Variants in ZSCAN10 observed in about 807,000 individuals in gnomAD.
ZSCAN10 encodes the protein zinc finger and SCAN domain-containing protein 10.
A neutral mutation model predicts 63.7 loss-of-function variants in ZSCAN10; 52 were observed. The ratio of observed to expected loss-of-function variants is 0.82; its 90% CI spans 0.65 to 1.03. The LOEUF (loss-of-function observed/expected upper bound fraction) is 1.03, where lower values mean the gene tolerates loss of function less well. ZSCAN10 is among the 50% of genes least tolerant of loss of function. ZSCAN10 has a pLI of 0.00. For missense variants in ZSCAN10, 1,223 were observed against 1,103.8 expected, an observed-to-expected ratio of 1.11 and a Z score of -1.53; for synonymous variants, 544 against 479.6, an observed-to-expected ratio of 1.13 and a Z score of -1.76.
chr16:3,091,464 G>T, intron 5 of ZSCAN10, 76 bp downstream of exon 5: 1 of 1,520,682 alleles, frequency 6.6e-7, no homozygotes, highest in Non-Finnish European at 9.1e-7. Context: ...GCAACATAGC[G>T]AGATTCCATC....
chr16:3,092,462 A>G (rs3810807), intron 2 of ZSCAN10, 80 bp downstream of exon 2: 710,794 of 1,457,886 alleles, frequency 0.49, 176,810 homozygotes, highest in African/African-American at 0.75. Context: ...GGGGAAAGTG[A>G]AGTTTCCAGA....
Position 3,088,955 on chromosome 16 carries a change from CG to C in ZSCAN10, c.*135del. On this transcript the variant is annotated 3_prime_UTR_variant, in exon 6 of 6. Coordinates refer to ENST00000576985, the MANE Select transcript of ZSCAN10 (RefSeq NM_032805.3). The stretch of plus-strand genomic sequence containing the variant: ...TAGCTGAGGCCAGAAAGCAATGCCT[CG>C]GCCAGGGAAGGACAGCTGTGAAAGT... The C allele has an allele frequency of 1.5e-6, 2 of 1,362,600 alleles. No individual in the cohort carries two copies. Among genetic ancestry groups the C allele is most frequent in the Non-Finnish European group, 1.9e-6 (2 of 1,062,214 alleles). The allele number at this position is 1,362,600 out of a possible 1,614,324, so 84.4% of individuals were successfully genotyped here.
In ZSCAN10 at chr16:3,091,251, G is replaced by A. The variant is rs373926948; in HGVS notation, c.787+289C>T. Among the ~76,000 whole-genome samples the A allele has an allele frequency of 4.6e-5, 7 of 152,328 alleles. No individual in the cohort carries two copies. The South Asian group carries it at 1.5e-3, about 32-fold the overall frequency. On this transcript the variant is annotated intron_variant, in intron 5 of 5. Coordinates refer to ENST00000576985, the MANE Select transcript of ZSCAN10 (RefSeq NM_032805.3). ...TACCTGAGCCCAGGAGGTCCCGGCT[G>A]CAGTGAGCCATGATTGTGCCACAGT... is the stretch of plus-strand genomic sequence containing the variant.
rs761968967 is a variant in ZSCAN10 at position 3,089,159 on chromosome 16, G to A, written c.2275C>T (p.Arg759Cys). The A allele has an allele frequency of 4.6e-6, 7 of 1,537,572 alleles. No individual in the cohort carries two copies. The highest frequency in any genetic ancestry group is 6.1e-6 in the Non-Finnish European group (7 of 1,153,410). ...AGGTGGGAGTTGCGGCTGAAGCTGC[G>A]GCCACACTGCGTGCAGGAGTAGGGC... ...ARPYSCTQCG[R>C]SFSRNSHLLR... is the part of the protein sequence containing the mutation. Residue 759 changes from arginine to cysteine, a missense_variant, in exon 6 of 6, where the codon CGC becomes TGC. Physicochemically the swap from Arg to Cys is radical, Grantham distance 180. Transcript: ENST00000576985.
At position 3,089,703 on chromosome 16, in the gene ZSCAN10, G is replaced by A; in HGVS notation, c.1731C>T (p.Pro577=). The change falls in exon 6 of 6, where the codon CCC becomes CCT. Residue 577 remains proline (P), a synonymous_variant. Coordinates refer to ENST00000576985, the MANE Select transcript of ZSCAN10 (RefSeq NM_032805.3). The stretch of plus-strand genomic sequence containing the variant: ...GCTTCCCGCACTGCGGACAGGCGTA[G>A]GGCTTCTCGCCCGTGTGCACCCGTT... ...SHQRVHTGEK[P]YACPQCGKRF... 1 of 1,605,690 alleles carries A rather than the reference G, an allele frequency of 6.2e-7. No homozygotes were observed. The highest frequency in any genetic ancestry group is 8.5e-7 in the Non-Finnish European group (1 of 1,178,548).
At chr16:3,098,984 T>C (rs990218070) in intron 1 of ZSCAN10, among the ~76,000 whole-genome samples, 4 of 152,192 alleles carry the variant, frequency 2.6e-5, no homozygotes, top group African/African-American at 7.2e-5. Context: ...AGTTCTGCGA[T>C]CTCCCTCGTC....
chr16:3,093,677 T>C (rs1957118179), intron 1 of ZSCAN10, among the ~76,000 whole-genome samples: 1 of 102,432 alleles, frequency 9.8e-6, no homozygotes, highest in Non-Finnish European at 2.0e-5. Context: ...TTTTTAAAGC[T>C]TTTTTTTTTC....
rs140690870 is a variant in ZSCAN10 at position 3,090,600 on chromosome 16, C to G, written c.834G>C (p.Glu278Asp). 6 of 1,558,168 alleles carry G rather than the reference C, an allele frequency of 3.9e-6. No homozygotes were observed. Among genetic ancestry groups the G allele is most frequent in the Admixed American group, 2.0e-5 (1 of 48,948 alleles). ...GAGTGGGCCAGGCAGCCCCTTTGGG[C>G]TCTTCTTGTTTAAATTCCTCCTTGT... ...TPDKEEFKQE[E>D]PKGAAWPTPI... The change falls in exon 6 of 6, where the codon GAG becomes GAC. Residue 278 changes from glutamate to aspartate, a missense_variant. Physicochemically the swap from Glu to Asp is conservative, Grantham distance 45. Transcript: ENST00000576985.
intron 1 of ZSCAN10, among the ~76,000 whole-genome samples, chr16:3,094,860 A>G (rs917056865): frequency 1.3e-5 from 2 of 151,164 alleles, no homozygotes; most frequent in African/African-American, 4.9e-5. Context: ...AAAGGCTTTA[A>G]AAGACATCCT....
intron 1 of ZSCAN10, among the ~76,000 whole-genome samples, chr16:3,095,378 G>T (rs930509947): frequency 4.6e-5 from 7 of 151,818 alleles, no homozygotes; most frequent in Admixed American, 2.6e-4. Context: ...TTAGCCACGG[G>T]TGGTGGCGGG....
chr16:3,089,208 G>T lies in ZSCAN10; in HGVS notation c.2226C>A (p.His742Gln), dbSNP rs376988167. The change falls in exon 6 of 6, where the codon CAC (histidine) becomes CAA (glutamine). Residue 742 changes from histidine to glutamine, a missense_variant. Coordinates refer to ENST00000576985, the MANE Select transcript of ZSCAN10 (RefSeq NM_032805.3). Reference protein sequence around the residue: ...SFSRSCNLLRHLLVHTGARPY... With the variant: ...SFSRSCNLLRQLLVHTGARPY... ...GCCTGGCGCCCGTGTGCACCAGCAG[G>T]TGTCGCAGCAGATTGCAGCTGCGGC... The T allele has an allele frequency of 6.3e-7, 1 of 1,583,652 alleles. No individual in the cohort carries two copies. Among genetic ancestry groups the T allele is most frequent in the Non-Finnish European group, 8.5e-7 (1 of 1,171,948 alleles).
rs1345014437 is a variant in ZSCAN10, at chr16:3,090,127, T to C, written c.1307A>G (p.Glu436Gly). 1 of 1,600,812 alleles carries C rather than the reference T, an allele frequency of 6.2e-7. No individual in the cohort carries two copies. The highest frequency in any genetic ancestry group is 1.1e-5 in the South Asian group (1 of 90,456). ...GCGGCGCTGGAAGCCGCGGCCGCAC[T>C]CTGCGCACAGGAAGGCGGGTTCGGA... ...HSSEPAFLCAECGRGFQRRAS... is the reference protein window; with the variant it reads ...HSSEPAFLCAGCGRGFQRRAS... The change falls in exon 6 of 6, where the codon GAG becomes GGG. Residue 436 changes from glutamate to glycine, a missense_variant. By Grantham distance (98) the Glu-to-Gly change is moderately conservative. Coordinates refer to ENST00000576985, the MANE Select transcript of ZSCAN10 (RefSeq NM_032805.3).
chr16:3,091,997 A>G, intron 3 of ZSCAN10, 52 bp downstream of exon 3: 1 of 1,555,154 alleles, frequency 6.4e-7, no homozygotes, highest in South Asian at 1.2e-5. Context: ...CCAGACATCC[A>G]GGCCCCTCCG....
At position 3,089,600 on chromosome 16, in the gene ZSCAN10, C is replaced by A; in HGVS notation, c.1834G>T (p.Gly612Trp). 6.3e-7 allele frequency: 1 copy of A among 1,585,844 alleles called. No homozygotes were observed. The highest frequency in any genetic ancestry group is 8.6e-7 in the Non-Finnish European group (1 of 1,166,624). Residue 612 changes from glycine (G) to tryptophan (W), a missense_variant, in exon 6 of 6, where the codon GGG (glycine) becomes TGG (tryptophan). Physicochemically the swap from Gly to Trp is radical, Grantham distance 184. Coordinates refer to ENST00000576985, the MANE Select transcript of ZSCAN10 (RefSeq NM_032805.3). ...TCCTGGGTCTGGCCGAAACTCTTCC[C>A]GCACTGGGTGCAGTGGTGGGGCCGA... ...GPRPHHCTQC[G>W]KSFGQTQDLA...
In ZSCAN10 at chr16:3,091,779, C is replaced by G; in HGVS notation, c.714G>C (p.Glu238Asp). 6.4e-7 allele frequency: 1 copy of G among 1,572,466 alleles called. No homozygotes were observed. Among genetic ancestry groups the G allele is most frequent in the Non-Finnish European group, 8.6e-7 (1 of 1,158,794 alleles). The change falls in exon 4 of 6, where the codon GAG (glutamate) becomes GAC (aspartate). Residue 238 changes from glutamate to aspartate, a missense_variant. Glu to Asp is a conservative substitution (Grantham distance 45). Coordinates refer to ENST00000576985, the MANE Select transcript of ZSCAN10 (RefSeq NM_032805.3). ...CCCAGCTCACCAGCACAGCCGCCAG[C>G]TCCTGATCTCGGGAACTCTCCTCTG... ...PWPEESSRDQ[E>D]LAAVLECLTF...
intron 5 of ZSCAN10, among the ~76,000 whole-genome samples, chr16:3,091,241 GGTCCCGGC>G (rs1957070215): frequency 1.3e-5 from 2 of 152,224 alleles, no homozygotes; most frequent in African/African-American, 4.8e-5. Context: ...GAGCCCAGGA[GGTCCCGGC>G]TGCAGTGAGC....
At chr16:3,094,456 G>A (rs944463878) in intron 1 of ZSCAN10, among the ~76,000 whole-genome samples, 9 of 152,146 alleles carry the variant, frequency 5.9e-5, no homozygotes, top group African/African-American at 1.2e-4. Context: ...GGTGATTCTC[G>A]TCCGTCAGCT....
rs758685684 is a variant in ZSCAN10 at position 3,091,908 on chromosome 16, G to C, written c.665-80C>G. 65 of 1,593,332 alleles carry C rather than the reference G, an allele frequency of 4.1e-5. 1 individual carries two copies. In the South Asian group the frequency reaches 4.9e-4, roughly 12 times the overall value. ...CCATATGGCTGCAAGGACACACACC[G>C]CATCATCCGGGCCCTGTGAAGACAC... On this transcript the variant is annotated intron_variant, in intron 3 of 5. Transcript: ENST00000576985.
In ZSCAN10 at chr16:3,090,521, C is replaced by T. The variant is rs530169134; in HGVS notation, c.913G>A (p.Ala305Thr). 153 of 1,612,948 alleles carry T rather than the reference C, an allele frequency of 9.5e-5. 4 individuals carry two copies. The South Asian group carries it at 1.6e-3, about 17-fold the overall frequency. ...GCAGCGCCCCGTCCGAGCGACTGGGCGCAAGGCTCTCCCGGCACCCCAGGA... is the reference window on the plus strand; with the variant it reads ...GCAGCGCCCCGTCCGAGCGACTGGGTGCAAGGCTCTCCCGGCACCCCAGGA... ...DSPGVPGEPC[A>T]QSLGRGAAAS... The change falls in exon 6 of 6, where the codon GCC (alanine) becomes ACC (threonine). Residue 305 changes from alanine to threonine, a missense_variant. Coordinates refer to ENST00000576985, the MANE Select transcript of ZSCAN10 (RefSeq NM_032805.3).
Sources: gnomAD v4.1 joint callset for allele counts (sites outside exome capture counted in the v4.1 genomes callset) on GRCh38, gnomAD v4.1.1 for gene constraint, MANE v1.5 for transcripts, NCBI Gene and HGNC (gene_info 2026-07-23, HGNC 2026-07-21) for gene names.